The following FKBP1A variants were observed in gnomAD, a reference collection of about 807,000 sequenced individuals.
FKBP1A encodes FKBP prolyl isomerase 1A.
Under a neutral mutation model 14.2 loss-of-function variants are expected in FKBP1A, and 5 were observed. The observed-to-expected ratio is 0.35, with a 90% CI of 0.18 to 0.74. The LOEUF (loss-of-function observed/expected upper bound fraction) is 0.74, where lower values mean the gene tolerates loss of function less well. Ranked by LOEUF, FKBP1A falls within the 30% of genes least tolerant of loss-of-function variation. FKBP1A has a pLI of 0.56. For missense variants in FKBP1A, 53 were observed against 138.8 expected, an observed-to-expected ratio of 0.38 and a Z score of 3.10; for synonymous variants, 42 against 49.1, an observed-to-expected ratio of 0.86 and a Z score of 0.60.
In FKBP1A at chr20:1,388,478, G is replaced by C. The variant is rs547021519; in HGVS notation, c.85+4356C>G. ...TCGATAGGCATTTGCTTCACAGCAG[G>C]CATCGTTACTCCCATTTTATAGACA... On this transcript the variant is annotated intron_variant, in intron 2 of 4. Transcript: ENST00000400137. 1.2e-4 allele frequency among the ~76,000 whole-genome samples: 18 copies of C among 152,312 alleles called. No homozygotes were observed. In the South Asian group the frequency reaches 3.7e-3, roughly 32 times the overall value.
In FKBP1A at chr20:1,372,165, T is replaced by G; in HGVS notation, c.274A>C (p.Ile92Leu). 6.2e-7 allele frequency: 1 copy of G among 1,613,786 alleles called. No homozygotes were observed. The highest frequency in any genetic ancestry group is 8.5e-7 in the Non-Finnish European group (1 of 1,179,722). ...AAGACGAGAGTGGCATGTGGTGGGATGATGCCTGGGTGCCCAGTGGCACCA... is the reference window on the plus strand; with the variant it reads ...AAGACGAGAGTGGCATGTGGTGGGAGGATGCCTGGGTGCCCAGTGGCACCA... ...AYGATGHPGI[I>L]PPHATLVFDV... Residue 92 changes from isoleucine to leucine, a missense_variant, in exon 4 of 5, where the codon ATC (isoleucine) becomes CTC (leucine). This residue lies in a region of FKBP1A where 35 missense variants were observed against 118.1 expected (regional missense o/e 0.30). Transcript: ENST00000400137.
chr20:1,378,465 T>C (rs540757477), intron 2 of FKBP1A: 2 of 152,194 alleles, frequency 1.3e-5, no homozygotes, highest in Non-Finnish European at 2.9e-5. Flanking sequence ...ATACATGCCA[T>C]TATACACTTG....
At chr20:1,373,020 T>C (rs2089489603) in intron 3 of FKBP1A, 1 of 152,264 alleles carries the variant, frequency 6.6e-6, no homozygotes, top group East Asian at 1.9e-4. Flanking sequence ...TTCCATCCTT[T>C]GACTTATCTC....
At chr20:1,385,629 G>C (rs1010938894) in intron 2 of FKBP1A, among the ~76,000 whole-genome samples, 11 of 152,014 alleles carry the variant, frequency 7.2e-5, no homozygotes, top group African/African-American at 2.4e-4. Context: ...CCCATCTCAG[G>C]AGATAAAACT....
intron 2 of FKBP1A, among the ~76,000 whole-genome samples, chr20:1,383,426 A>C (rs1384413776): frequency 6.6e-6 from 1 of 152,170 alleles, no homozygotes; most frequent in African/African-American, 2.4e-5. Context: ...CCAAACCTTC[A>C]AAATAAAATA....
At position 1,369,788 on chromosome 20, in the gene FKBP1A, A is replaced by T; in HGVS notation, c.*321T>A. 1 of 376,680 alleles carries T rather than the reference A, an allele frequency of 2.7e-6. No homozygotes were observed. Among genetic ancestry groups the T allele is most frequent in the Non-Finnish European group, 5.0e-6 (1 of 200,028 alleles). 23.3% of individuals were successfully genotyped at this position (376,680 alleles called of 1,614,324 possible). A position where few individuals can be genotyped will look rare whatever the true frequency, so the allele number is the denominator to read the frequency against. ...CCACTTGTGCTGTTAATACTTGACC[A>T]TGTACTTAATTGGAAACCTATATCC... is the stretch of plus-strand genomic sequence containing the variant. On this transcript the variant is annotated 3_prime_UTR_variant, in exon 5 of 5. Coordinates refer to ENST00000400137, the MANE Select transcript of FKBP1A (RefSeq NM_000801.5).
chr20:1,392,524 C>G (rs1568594725), intron 2 of FKBP1A, among the ~76,000 whole-genome samples: 1 of 152,314 alleles, frequency 6.6e-6, no homozygotes, highest in South Asian at 2.1e-4. Context: ...GACTTCGCCT[C>G]GCCAAGCCTC....
In FKBP1A at chr20:1,369,783, T is replaced by C. The variant is rs2089437731; in HGVS notation, c.*326A>G. Reference sequence around the variant, plus strand: ...ACCTACCACTTGTGCTGTTAATACTTGACCATGTACTTAATTGGAAACCTA... The same window carrying C: ...ACCTACCACTTGTGCTGTTAATACTCGACCATGTACTTAATTGGAAACCTA... On this transcript the variant is annotated 3_prime_UTR_variant, in exon 5 of 5. Coordinates refer to ENST00000400137, the MANE Select transcript of FKBP1A (RefSeq NM_000801.5). 2.8e-6 allele frequency: 1 copy of C among 363,040 alleles called. No individual in the cohort carries two copies. Among genetic ancestry groups the C allele is most frequent in the Admixed American group, 4.5e-5 (1 of 22,362 alleles). The allele number at this position is 363,040 out of a possible 1,614,324, so 22.5% of individuals were successfully genotyped here. A position where few individuals can be genotyped will look rare whatever the true frequency, so the allele number is the denominator to read the frequency against.
rs2089760246 is a variant in FKBP1A at position 1,392,975 on chromosome 20, G to A, written c.24C>T (p.Ile8=). The A allele has an allele frequency of 6.7e-7, 1 of 1,496,826 alleles. No homozygotes were observed. Among genetic ancestry groups the A allele is most frequent in the South Asian group, 1.3e-5 (1 of 77,122 alleles). The allele number at this position is 1,496,826 out of a possible 1,614,324, so 92.7% of individuals were successfully genotyped here. A position where few individuals can be genotyped will look rare whatever the true frequency, so the allele number is the denominator to read the frequency against. The change falls in exon 1 of 5, where the codon ATC becomes ATT. Residue 8 remains isoleucine (I), a synonymous_variant. Transcript: ENST00000400137. ...GCCACTACTCACCGTCTCCTGGGGA[G>A]ATGGTTTCCACCTGCACTCCCATGG... The part of the protein sequence containing the change: MGVQVET[I]SPGDGRTFPK...
At chr20:1,371,779 T>G (rs958444603) in intron 4 of FKBP1A, 1 of 1,055,440 alleles carries the variant, frequency 9.5e-7, no homozygotes, top group Non-Finnish European at 1.1e-6. Context: ...TGGCCTACAT[T>G]TCCATAGTCC....
chr20:1,370,793 G>C, intron 4 of FKBP1A: 1 of 985,364 alleles, frequency 1.0e-6, no homozygotes, highest in Non-Finnish European at 1.2e-6. Flanking sequence ...ATAATTCCAA[G>C]GCTCCCTCGA....
chr20:1,373,339 G>A (rs1285939984), intron 3 of FKBP1A, among the ~76,000 whole-genome samples: 1 of 152,182 alleles, frequency 6.6e-6, no homozygotes, highest in Non-Finnish European at 1.5e-5. Context: ...TATAGTGGTG[G>A]CTTTAAATGT....
At chr20:1,371,939 A>T in intron 4 of FKBP1A, 137 bp downstream of exon 4, 2 of 1,439,312 alleles carry the variant, frequency 1.4e-6, no homozygotes, top group Non-Finnish European at 1.8e-6. Context: ...CACTGAAAGG[A>T]TACTCAATAC....
At chr20:1,390,110 A>C (rs1327387982) in intron 2 of FKBP1A, among the ~76,000 whole-genome samples, 1 of 152,152 alleles carries the variant, frequency 6.6e-6, no homozygotes, top group Admixed American at 6.5e-5. Flanking sequence ...TCCATGTGGT[A>C]AAGGTCAGTC....
chr20:1,375,856 C>T (rs748873740), intron 2 of FKBP1A, among the ~76,000 whole-genome samples: 7 of 152,100 alleles, frequency 4.6e-5, no homozygotes, highest in Admixed American at 2.6e-4. Context: ...CAGAGATGAG[C>T]GGCAGTCCAC....
chr20:1,380,700 CA>C (rs2089608151), intron 2 of FKBP1A, among the ~76,000 whole-genome samples: 1 of 152,070 alleles, frequency 6.6e-6, no homozygotes. Flanking sequence ...CCCCAAAAGG[CA>C]AAATTCACAA....
At position 1,370,882 on chromosome 20, in the gene FKBP1A, G is replaced by A. The variant is rs540240322; in HGVS notation, c.*37-810C>T. The stretch of plus-strand genomic sequence containing the variant: ...TGGCCTAGGTGCAGACCTCTGGGCA[G>A]ACAAAGGCCCTGTAAAGTGCCAGGG... On this transcript the variant is annotated intron_variant, in intron 4 of 4. Coordinates refer to ENST00000400137, the MANE Select transcript of FKBP1A (RefSeq NM_000801.5). The A allele has an allele frequency of 3.7e-5, 36 of 985,470 alleles. No homozygotes were observed. In the South Asian group the frequency reaches 1.4e-3, roughly 39 times the overall value. 61.0% of individuals were successfully genotyped at this position (985,470 alleles called of 1,614,324 possible).
intron 2 of FKBP1A, among the ~76,000 whole-genome samples, chr20:1,383,213 T>C (rs925749365): frequency 6.6e-6 from 1 of 152,168 alleles, no homozygotes; most frequent in African/African-American, 2.4e-5. Context: ...AAGGCACCTC[T>C]ACAGACTTAT....
At chr20:1,373,082 A>C (rs2089490677) in intron 3 of FKBP1A, 1 of 152,232 alleles carries the variant, frequency 6.6e-6, no homozygotes, top group Non-Finnish European at 1.5e-5. Flanking sequence ...CACCAGACAG[A>C]GGATGAATAA....
Sources: allele counts gnomAD v4.1 joint callset (sites outside exome capture counted in the v4.1 genomes callset), GRCh38; gene constraint gnomAD v4.1.1; regional missense constraint gnomAD v4.1.1; transcripts MANE v1.5; gene names NCBI Gene and HGNC (gene_info 2026-07-23, HGNC 2026-07-21).